TBC1D22A: variants seen among roughly 807,000 people sequenced by gnomAD.
The protein encoded by TBC1D22A is putative GTPase activator.
TBC1D22A carries 38 observed loss-of-function variants against 60.2 expected under a neutral mutation model. The observed-to-expected ratio is 0.63, with a 90% CI of 0.49 to 0.83. TBC1D22A has a LOEUF of 0.83. Ranked by LOEUF, TBC1D22A falls within the 40% of genes least tolerant of loss-of-function variation. The pLI is 0.00. For missense variants in TBC1D22A, 628 were observed against 701.0 expected (o/e 0.90, Z 1.18); for synonymous variants, 302 against 281.7 (o/e 1.07, Z -0.72).
chr22:46,897,642 T>A (rs1285280485), intron 7 of TBC1D22A, among the ~76,000 whole-genome samples: 1 of 130,460 alleles, frequency 7.7e-6, no homozygotes, highest in Non-Finnish European at 1.6e-5. Flanking sequence ...TTCGTTTTGT[T>A]TTTTTTTGTG....
At chr22:47,030,340 G>A (rs1286034186) in intron 10 of TBC1D22A, among the ~76,000 whole-genome samples, 2 of 152,198 alleles carry the variant, frequency 1.3e-5, no homozygotes, top group Non-Finnish European at 2.9e-5. Context: ...AACAGTGTGT[G>A]TTTTATGCCA....
intron 12 of TBC1D22A, among the ~76,000 whole-genome samples, chr22:47,128,588 C>G (rs79295702): frequency 1.3e-5 from 2 of 151,588 alleles, no homozygotes; most frequent in Admixed American, 6.6e-5. Context: ...GAGTCCTGCA[C>G]GAGGCTGCAG....
rs977010065 is a variant in TBC1D22A at position 46,772,044 on chromosome 22, TATATAC to T, written c.62+9208_62+9213del. 1.2e-3 allele frequency among the ~76,000 whole-genome samples: 181 copies of T among 146,668 alleles called. 3 individuals are homozygous for T. The highest frequency in any genetic ancestry group is 4.4e-3 in the African/African-American group (171 of 38,986). Reference sequence around the variant, plus strand: ...TATGGCTAAGTAGTATTCCATCGTATATATACATATACATATATATGTATACACACA... The same window carrying T: ...TATGGCTAAGTAGTATTCCATCGTATATATACATATATATGTATACACACA... On this transcript the variant is annotated intron_variant, in intron 1 of 12. Coordinates refer to ENST00000337137, the MANE Select transcript of TBC1D22A (RefSeq NM_014346.5).
chr22:47,098,427 C>T (rs778359565), intron 11 of TBC1D22A, among the ~76,000 whole-genome samples: 4 of 152,196 alleles, frequency 2.6e-5, no homozygotes, highest in African/African-American at 2.4e-5. Context: ...TGCTGCCACC[C>T]CCAGGTGGCC....
intron 9 of TBC1D22A, among the ~76,000 whole-genome samples, chr22:46,978,367 C>T (rs1296118051): frequency 1.3e-5 from 2 of 152,122 alleles, no homozygotes; most frequent in African/African-American, 4.8e-5. Context: ...AATGAAAATC[C>T]CATTACATAT....
At chr22:46,904,542 C>T (rs2069307908) in intron 7 of TBC1D22A, among the ~76,000 whole-genome samples, 1 of 151,294 alleles carries the variant, frequency 6.6e-6, no homozygotes, top group Admixed American at 6.6e-5. Context: ...GATCTTGGCT[C>T]TCAGCAACCT....
chr22:46,884,930 C>T (rs1309157073), intron 5 of TBC1D22A, among the ~76,000 whole-genome samples: 1 of 152,174 alleles, frequency 6.6e-6, no homozygotes, highest in Non-Finnish European at 1.5e-5. Context: ...CAGGAAGGGC[C>T]AGGCCCGCAG....
chr22:47,079,839 TA>T (rs568523952), intron 11 of TBC1D22A, among the ~76,000 whole-genome samples: 1 of 152,218 alleles, frequency 6.6e-6, no homozygotes, highest in African/African-American at 2.4e-5. Context: ...AGATAGATTG[TA>T]AGAGTGAATA....
At chr22:46,769,960 T>C (rs949827683) in intron 1 of TBC1D22A, among the ~76,000 whole-genome samples, 2 of 150,442 alleles carry the variant, frequency 1.3e-5, no homozygotes, top group African/African-American at 4.9e-5. Flanking sequence ...GGGATGGGAG[T>C]GTGGTAGGCA....
chr22:47,146,908 T>C (rs2067305164), intron 12 of TBC1D22A, among the ~76,000 whole-genome samples: 1 of 152,244 alleles, frequency 6.6e-6, no homozygotes, highest in Non-Finnish European at 1.5e-5. Flanking sequence ...CCCTTTTGGA[T>C]GACACACATT....
intron 10 of TBC1D22A, among the ~76,000 whole-genome samples, chr22:47,005,271 C>T (rs549680786): frequency 3.3e-5 from 5 of 151,546 alleles, no homozygotes; most frequent in Admixed American, 2.6e-4. Flanking sequence ...CCCCTACACA[C>T]ATGCCTATAC....
intron 8 of TBC1D22A, among the ~76,000 whole-genome samples, chr22:46,952,349 C>T (rs1416407616): frequency 2.3e-5 from 3 of 132,336 alleles, no homozygotes; most frequent in Non-Finnish European, 3.4e-5. Flanking sequence ...TTCTTCTTGA[C>T]CTTCTCCCCT....
chr22:47,005,443 A>G (rs1399935034), intron 10 of TBC1D22A, among the ~76,000 whole-genome samples: 1 of 151,688 alleles, frequency 6.6e-6, no homozygotes, highest in East Asian at 1.9e-4. Flanking sequence ...ACACCCTTAT[A>G]CACACATGCC....
chr22:47,159,047 A>C (rs561625130), intron 12 of TBC1D22A, among the ~76,000 whole-genome samples: 1 of 150,578 alleles, frequency 6.6e-6, no homozygotes, highest in Non-Finnish European at 1.5e-5. Context: ...GTATACACAC[A>C]CACCATGTAT....
At chr22:47,146,140 T>C (rs1254425449) in intron 12 of TBC1D22A, among the ~76,000 whole-genome samples, 1 of 150,542 alleles carries the variant, frequency 6.6e-6, no homozygotes, top group Non-Finnish European at 1.5e-5. Context: ...CTGTTTGTGC[T>C]GTCCCTTAAA....
chr22:47,056,617 C>T (rs73471650), intron 11 of TBC1D22A, among the ~76,000 whole-genome samples: 6,409 of 152,216 alleles, frequency 0.042, 425 homozygotes, highest in African/African-American at 0.14. Flanking sequence ...GTCTTCTCAC[C>T]GCTGCCTGAG....
At chr22:46,973,667 T>C (rs2074169534) in intron 8 of TBC1D22A, among the ~76,000 whole-genome samples, 1 of 152,274 alleles carries the variant, frequency 6.6e-6, no homozygotes, top group Non-Finnish European at 1.5e-5. Flanking sequence ...TGTTCAAATA[T>C]CTGATAAGCC....
At chr22:47,041,994 C>T (rs1316067803) in intron 11 of TBC1D22A, among the ~76,000 whole-genome samples, 1 of 152,236 alleles carries the variant, frequency 6.6e-6, no homozygotes. Context: ...AAGATTGTCT[C>T]CCCAGCCCTT....
chr22:47,104,379 T>C (rs2065541377), intron 11 of TBC1D22A, among the ~76,000 whole-genome samples: 1 of 151,782 alleles, frequency 6.6e-6, no homozygotes, highest in Admixed American at 6.6e-5. Flanking sequence ...CTAAAGAGAT[T>C]AAGAGTCCAG....
Sources: allele counts gnomAD v4.1 joint callset (sites outside exome capture counted in the v4.1 genomes callset), GRCh38; gene constraint gnomAD v4.1.1; transcripts MANE v1.5; gene names NCBI Gene and HGNC (gene_info 2026-07-23, HGNC 2026-07-21).